Variants in MID1 observed in about 807,000 individuals in gnomAD.
MID1 encodes E3 ubiquitin-protein ligase Midline-1.
MID1 carries 7 observed loss-of-function variants against 40.4 expected under a neutral mutation model. The ratio of observed to expected loss-of-function variants is 0.17; its 90% CI spans 0.10 to 0.33. The LOEUF (loss-of-function observed/expected upper bound fraction) is 0.33. Among genes scored for constraint, MID1 ranks in the 10% least tolerant of loss-of-function variants. The probability of loss-of-function intolerance (pLI) is 1.00; values close to 1 mark genes in which losing one functional copy is unlikely to be tolerated. For synonymous variants in MID1, 229 were observed against 221.2 expected (o/e 1.04, Z -0.31); for missense variants, 367 against 558.5 (o/e 0.66, Z 3.46).
intron 1 of MID1, among the ~76,000 whole-genome samples, chrX:10,800,879 AT>A (rs1461388967): frequency 8.9e-6 from 1 of 111,978 alleles, no homozygotes; most frequent in East Asian, 2.8e-4. Context: ...TTTAGAAATA[AT>A]TTGATTTAGC....
intron 1 of MID1, among the ~76,000 whole-genome samples, chrX:10,588,719 C>T (rs978687546): frequency 3.6e-5 from 4 of 110,392 alleles, no homozygotes; most frequent in South Asian, 3.9e-4. Flanking sequence ...CTCTGCCAGC[C>T]GCTTATGCTG....
intron 7 of MID1, among the ~76,000 whole-genome samples, chrX:10,464,148 C>A (rs1048008532): frequency 8.9e-6 from 1 of 112,008 alleles, no homozygotes; most frequent in Non-Finnish European, 1.9e-5. Context: ...AAGCCATTTG[C>A]ATTTCTTTTC....
In MID1 at chrX:10,662,001, C is replaced by T. The variant is rs774660357; in HGVS notation, c.-186-41582G>A. Among the ~76,000 whole-genome samples, 233 of 111,882 alleles carry T rather than the reference C, an allele frequency of 2.1e-3. 2 individuals carry two copies. Among genetic ancestry groups the T allele is most frequent in the African/African-American group, 6.8e-3 (210 of 30,806 alleles). On this transcript the variant is annotated intron_variant, in intron 1 of 10. Transcript: ENST00000380785. ...TGGATCTCATTTCCTTTGCCTTTTT[C>T]GCTCTTTTTAAAAACTCTTTTGGCT...
At chrX:10,603,352 C>T (rs371034126) in intron 1 of MID1, among the ~76,000 whole-genome samples, 1 of 112,072 alleles carries the variant, frequency 8.9e-6, no homozygotes, top group African/African-American at 3.2e-5. Flanking sequence ...TGCTCACTCA[C>T]TAGCAAAGGT....
intron 1 of MID1, among the ~76,000 whole-genome samples, chrX:10,640,939 C>T (rs1936186373): frequency 8.9e-6 from 1 of 111,876 alleles, no homozygotes; most frequent in African/African-American, 3.3e-5. Context: ...GAAATGAAGG[C>T]AGAAATAAAG....
intron 1 of MID1, among the ~76,000 whole-genome samples, chrX:10,754,299 G>GTTTT (rs1268373586): frequency 5.2e-4 from 53 of 102,150 alleles, no homozygotes; most frequent in African/African-American, 2.2e-3. Flanking sequence ...AGACAAGAGA[G>GTTTT]TTTTTTTTTG....
At chrX:10,788,143 T>G (rs958982521) in intron 1 of MID1, among the ~76,000 whole-genome samples, 1 of 112,095 alleles carries the variant, frequency 8.9e-6, no homozygotes, top group African/African-American at 3.2e-5. Context: ...GAGAAACTGA[T>G]TAGCAGAATC....
intron 1 of MID1, among the ~76,000 whole-genome samples, chrX:10,626,608 C>G (rs1376879481): frequency 9.0e-6 from 1 of 111,324 alleles, no homozygotes; most frequent in Non-Finnish European, 1.9e-5. Flanking sequence ...TCCTGGATTT[C>G]TCCACCAGGA....
intron 1 of MID1, among the ~76,000 whole-genome samples, chrX:10,754,285 G>C (rs2043616743): frequency 2.7e-5 from 3 of 109,658 alleles, no homozygotes; most frequent in Non-Finnish European, 5.6e-5. Flanking sequence ...TATTAGAAAA[G>C]AATAGACAAG....
chrX:10,482,651 A>G (rs1365092743), intron 4 of MID1, 23 bp from the exon 5 acceptor site: 1 of 1,202,331 alleles, frequency 8.3e-7, no homozygotes, highest in African/African-American at 1.7e-5. Context: ...AGGCATGGAG[A>G]GAGATGGTTA....
chrX:10,468,517 A>C (rs912421048), intron 7 of MID1, among the ~76,000 whole-genome samples: 1 of 112,619 alleles, frequency 8.9e-6, no homozygotes, highest in African/African-American at 3.2e-5. Flanking sequence ...CATGACTGCT[A>C]TTCTATTCTG....
chrX:10,495,500 C>A, intron 4 of MID1, 84 bp downstream of exon 4: 1 of 748,930 alleles, frequency 1.3e-6, no homozygotes, highest in East Asian at 3.2e-5. Flanking sequence ...AGAGGGTTCT[C>A]AACATTTCCA....
At chrX:10,612,224 CAATT>C (rs1254184737) in intron 1 of MID1, among the ~76,000 whole-genome samples, 3 of 111,700 alleles carry the variant, frequency 2.7e-5, no homozygotes, top group African/African-American at 9.8e-5. Flanking sequence ...ATACCCCTCT[CAATT>C]AATTATTATG....
chrX:10,703,780 ATTGAAGAATTTT>A (rs1474514917), intron 1 of MID1, among the ~76,000 whole-genome samples: 1 of 112,535 alleles, frequency 8.9e-6, no homozygotes, highest in African/African-American at 3.2e-5. Flanking sequence ...GTAAGATGTG[ATTGAAGAATTTT>A]AGAGGTGCTT....
At chrX:10,655,412 G>C (rs1301497536) in intron 1 of MID1, among the ~76,000 whole-genome samples, 1 of 111,046 alleles carries the variant, frequency 9.0e-6, no homozygotes, top group African/African-American at 3.3e-5. Context: ...GATGCAGTGA[G>C]GATGTGATCC....
chrX:10,525,942 A>G (rs1444714554), intron 2 of MID1, among the ~76,000 whole-genome samples: 4 of 110,436 alleles, frequency 3.6e-5, no homozygotes, highest in African/African-American at 1.3e-4. Context: ...TTCTCTCACC[A>G]CTCTACACTT....
intron 1 of MID1, among the ~76,000 whole-genome samples, chrX:10,666,833 T>C (rs906013597): frequency 2.7e-5 from 3 of 111,864 alleles, no homozygotes; most frequent in African/African-American, 9.8e-5. Context: ...CCACCTGTTC[T>C]CTGTTTCCAC....
intron 1 of MID1, among the ~76,000 whole-genome samples, chrX:10,793,184 A>T (rs1409045346): frequency 8.9e-6 from 1 of 112,781 alleles, no homozygotes; most frequent in Non-Finnish European, 1.9e-5. Flanking sequence ...AGTCATGGAC[A>T]CCTGATCTGC....
intron 1 of MID1, among the ~76,000 whole-genome samples, chrX:10,587,823 A>G (rs1024128312): frequency 1.8e-5 from 2 of 110,993 alleles, no homozygotes; most frequent in African/African-American, 6.6e-5. Flanking sequence ...TTTACATTTA[A>G]CAATGCTTTC....
Sources: gnomAD v4.1 joint callset for allele counts (sites outside exome capture counted in the v4.1 genomes callset) on GRCh38, gnomAD v4.1.1 for gene constraint, MANE v1.5 for transcripts, NCBI Gene and HGNC (gene_info 2026-07-23, HGNC 2026-07-21) for gene names.